The following CABP7 variants were observed in gnomAD, a reference collection of about 807,000 sequenced individuals.
CABP7 encodes the protein calcium binding protein 7, also known as calcium-binding protein 7.
A neutral mutation model predicts 23.1 loss-of-function variants in CABP7; 13 were observed. The observed-to-expected ratio is 0.56, with a 90% CI of 0.37 to 0.90. The LOEUF (loss-of-function observed/expected upper bound fraction) is 0.90, where lower values mean the gene tolerates loss of function less well. Among genes scored for constraint, CABP7 ranks in the 40% least tolerant of loss-of-function variants. CABP7 has a pLI of 0.01. For synonymous variants in CABP7, 123 were observed against 115.3 expected, an observed-to-expected ratio of 1.07 and a Z score of -0.43; for missense variants, 248 against 295.6, an observed-to-expected ratio of 0.84 and a Z score of 1.18.
chr22:29,723,487 G>A (rs1287784299), intron 1 of CABP7, among the ~76,000 whole-genome samples: 2 of 152,194 alleles, frequency 1.3e-5, no homozygotes, highest in African/African-American at 2.4e-5. Flanking sequence ...CAGCTGACTC[G>A]AGCACCCAAG....
At chr22:29,729,417 C>G (rs755256496) in intron 4 of CABP7, 25 bp from the exon 5 acceptor site, 1 of 1,606,206 alleles carries the variant, frequency 6.2e-7, no homozygotes, top group Admixed American at 1.7e-5. Flanking sequence ...TCTGTCTCCC[C>G]GGTGCTCCCG....
chr22:29,729,291 G>C (rs879225389), intron 4 of CABP7, 83 bp downstream of exon 4: 75 of 1,577,220 alleles, frequency 4.8e-5, no homozygotes, highest in East Asian at 2.5e-4. Context: ...GTCTGCAGAG[G>C]GGGGCTGGGG....
rs1302267505 is a variant in CABP7, at chr22:29,731,555, C to T, written c.*1986C>T. On this transcript the variant is annotated 3_prime_UTR_variant, in exon 5 of 5. Coordinates refer to ENST00000216144, the MANE Select transcript of CABP7 (RefSeq NM_182527.3). Reference sequence around the variant, plus strand: ...CTAGGAACTGAGCCCAAGGAAATAGCGGGGTTGCAGGCAGACATTGAGCTG... The same window carrying T: ...CTAGGAACTGAGCCCAAGGAAATAGTGGGGTTGCAGGCAGACATTGAGCTG... 1.0e-5 allele frequency: 6 copies of T among 587,002 alleles called. No homozygotes were observed. Among genetic ancestry groups the T allele is most frequent in the Non-Finnish European group, 1.7e-5 (6 of 362,904 alleles). 36.4% of individuals were successfully genotyped at this position (587,002 alleles called of 1,614,324 possible).
At chr22:29,721,306 G>A (rs2067760501) in intron 1 of CABP7, among the ~76,000 whole-genome samples, 1 of 152,208 alleles carries the variant, frequency 6.6e-6, no homozygotes, top group Non-Finnish European at 1.5e-5. Flanking sequence ...GGCAGGGGCA[G>A]GGGTCCGGGA....
At position 29,729,622 on chromosome 22, in the gene CABP7, A is replaced by G; in HGVS notation, c.*53A>G. On this transcript the variant is annotated 3_prime_UTR_variant, in exon 5 of 5. Transcript: ENST00000216144. ...ATGCGGTGCCCGTGGCCCGCCCCAC[A>G]CCACCGCCGCCTGCAGACCTCTCCC... is the stretch of plus-strand genomic sequence containing the variant. The G allele has an allele frequency of 4.4e-6, 7 of 1,593,310 alleles. No homozygotes were observed. Among genetic ancestry groups the G allele is most frequent in the Non-Finnish European group, 3.4e-6 (4 of 1,174,992 alleles).
At position 29,730,391 on chromosome 22, in the gene CABP7, T is replaced by C. The variant is rs1269064276; in HGVS notation, c.*822T>C. On this transcript the variant is annotated 3_prime_UTR_variant, in exon 5 of 5. Coordinates refer to ENST00000216144, the MANE Select transcript of CABP7 (RefSeq NM_182527.3). ...ACCACCCCAGCCTAGAGCCTAGAAC[T>C]GTAGTCCAGCTGAGGAAGGAGGCAG... The C allele has an allele frequency of 6.6e-6, 1 of 152,594 alleles. No homozygotes were observed. Among genetic ancestry groups the C allele is most frequent in the East Asian group, 1.9e-4 (1 of 5,190 alleles). The allele number at this position is 152,594 out of a possible 1,614,324, so 9.5% of individuals were successfully genotyped here. A position where few individuals can be genotyped will look rare whatever the true frequency, so the allele number is the denominator to read the frequency against.
Position 29,720,639 on chromosome 22 carries a change from T to A in CABP7, c.109+106T>A. On this transcript the variant is annotated intron_variant, in intron 1 of 4. Transcript: ENST00000216144. This position sits in a 1 kb window ranked among gnomAD's most constrained non-coding sequence, Gnocchi z 5.2. ...CGGGGGGCGGGGGGCGGTCCGCAGG[T>A]GCCGGTTGCCAGGTGGGCGCCCCAG... 1 of 594,634 alleles carries A rather than the reference T, an allele frequency of 1.7e-6. No homozygotes were observed. Among genetic ancestry groups the A allele is most frequent in the Non-Finnish European group, 2.6e-6 (1 of 380,482 alleles). The allele number at this position is 594,634 out of a possible 1,614,324, so 36.8% of individuals were successfully genotyped here. A position where few individuals can be genotyped will look rare whatever the true frequency, so the allele number is the denominator to read the frequency against.
rs747101623 is a variant in CABP7, at chr22:29,720,433, C to T, written c.9C>T (p.Phe3=). Residue 3 remains phenylalanine, a synonymous_variant, in exon 1 of 5, where the codon TTC becomes TTT. Coordinates refer to ENST00000216144, the MANE Select transcript of CABP7 (RefSeq NM_182527.3). The surrounding 1 kb of genome is among the most constrained non-coding windows in gnomAD (Gnocchi z 5.2). MP[F]HPVTAALMYR... The stretch of plus-strand genomic sequence containing the variant: ...GGCGCGGAGCCTCCAAGATGCCGTT[C>T]CACCCGGTGACGGCGGCGTTGATGT... 3 of 1,538,602 alleles carry T rather than the reference C, an allele frequency of 1.9e-6. No homozygotes were observed. Among genetic ancestry groups the T allele is most frequent in the Non-Finnish European group, 2.6e-6 (3 of 1,145,492 alleles).
In CABP7 at chr22:29,727,317, G is replaced by T. The variant is rs1005346355; in HGVS notation, c.110-345G>T. On this transcript the variant is annotated intron_variant, in intron 1 of 4. Transcript: ENST00000216144. The surrounding 1 kb of genome is among the most constrained non-coding windows in gnomAD (Gnocchi z 4.2). ...GCGGGTGGGGAAGCCGTCAGCAGCC[G>T]CGGGGGCCGGGGAGATCCAGCATCC... Among the ~76,000 whole-genome samples the T allele has an allele frequency of 8.6e-5, 13 of 151,816 alleles. No individual in the cohort carries two copies. Among genetic ancestry groups the T allele is most frequent in the African/African-American group, 2.9e-4 (12 of 41,312 alleles).
rs922648185 is a variant in CABP7, at chr22:29,727,924, C to T, written c.253+119C>T. 15 of 1,186,158 alleles carry T rather than the reference C, an allele frequency of 1.3e-5. No homozygotes were observed. The highest frequency in any genetic ancestry group is 7.7e-5 in the African/African-American group (5 of 64,634). 73.5% of individuals were successfully genotyped at this position (1,186,158 alleles called of 1,614,324 possible). On this transcript the variant is annotated intron_variant, in intron 2 of 4. Coordinates refer to ENST00000216144, the MANE Select transcript of CABP7 (RefSeq NM_182527.3). The surrounding 1 kb of genome is among the most constrained non-coding windows in gnomAD (Gnocchi z 4.2). ...ATTGGGTCTCTCGCTCCCCTGACTCCCACCCTCAAAGTCCGTGGCAGGTTG... is the reference window on the plus strand; with the variant it reads ...ATTGGGTCTCTCGCTCCCCTGACTCTCACCCTCAAAGTCCGTGGCAGGTTG...
At chr22:29,721,094 C>G (rs1167602404) in intron 1 of CABP7, among the ~76,000 whole-genome samples, 2 of 152,176 alleles carry the variant, frequency 1.3e-5, no homozygotes, top group Non-Finnish European at 2.9e-5. Flanking sequence ...CTGCGGGGAC[C>G]CCCAGCCCGG....
chr22:29,728,952 G>A, intron 3 of CABP7, 103 bp from the exon 4 acceptor site: 1 of 1,432,688 alleles, frequency 7.0e-7, no homozygotes, highest in Non-Finnish European at 9.6e-7. Context: ...GTGTTTTCCA[G>A]CCCCCCAGAA....
chr22:29,723,512 G>A (rs1002294045), intron 1 of CABP7, among the ~76,000 whole-genome samples: 2 of 152,266 alleles, frequency 1.3e-5, no homozygotes, highest in Non-Finnish European at 1.5e-5. Flanking sequence ...GGAATGGGGT[G>A]GCTGCAAGTC....
chr22:29,729,184 G>A lies in CABP7; in HGVS notation c.496G>A (p.Glu166Lys), dbSNP rs764847213. ...GGAGGAGAGCCACCTGGGCACAGCC[G>A]AGGAGTGTCCCGTGGATGTGGAGAG... ...TEEESHLGTA[E>K]ECPVDVETCS... Residue 166 changes from glutamate (E) to lysine (K), a missense_variant, in exon 4 of 5, where the codon GAG becomes AAG. Physicochemically the swap from Glu to Lys is moderately conservative, Grantham distance 56. Transcript: ENST00000216144. 84 of 1,609,462 alleles carry A rather than the reference G, an allele frequency of 5.2e-5. No homozygotes were observed. The South Asian group carries it at 5.3e-4, about 10-fold the overall frequency.
intron 3 of CABP7, 109 bp downstream of exon 3, chr22:29,728,851 T>A: frequency 9.9e-7 from 1 of 1,006,444 alleles, no homozygotes; most frequent in Non-Finnish European, 1.5e-6. Context: ...CACTTCAGGC[T>A]TGTGTCCACT....
In CABP7 at chr22:29,720,444, C is replaced by A; in HGVS notation, c.20C>A (p.Thr7Lys). Residue 7 changes from threonine to lysine, a missense_variant, in exon 1 of 5, where the codon ACG (threonine) becomes AAG (lysine). Thr to Lys is a moderately conservative substitution (Grantham distance 78). Coordinates refer to ENST00000216144, the MANE Select transcript of CABP7 (RefSeq NM_182527.3). This position sits in a 1 kb window ranked among gnomAD's most constrained non-coding sequence, Gnocchi z 5.2. ...TCCAAGATGCCGTTCCACCCGGTGA[C>A]GGCGGCGTTGATGTACCGGGGCATC... is the stretch of plus-strand genomic sequence containing the variant. Reference protein sequence around the residue: MPFHPVTAALMYRGIYT... With the variant: MPFHPVKAALMYRGIYT... 1 of 1,549,748 alleles carries A rather than the reference C, an allele frequency of 6.5e-7. No individual in the cohort carries two copies. The highest frequency in any genetic ancestry group is 8.7e-7 in the Non-Finnish European group (1 of 1,150,756).
At chr22:29,724,688 G>A (rs563592738) in intron 1 of CABP7, among the ~76,000 whole-genome samples, 2 of 152,306 alleles carry the variant, frequency 1.3e-5, no homozygotes, top group Non-Finnish European at 2.9e-5. Flanking sequence ...ACTTTGTGGT[G>A]TGTTGGATGT....
At chr22:29,723,733 C>T (rs980764095) in intron 1 of CABP7, among the ~76,000 whole-genome samples, 15 of 152,242 alleles carry the variant, frequency 9.9e-5, no homozygotes, top group African/African-American at 3.6e-4. Context: ...CGCCTCTGCA[C>T]AGCCAAAAGC....
intron 2 of CABP7, among the ~76,000 whole-genome samples, chr22:29,728,251 G>T (rs980547492): frequency 1.3e-5 from 2 of 152,190 alleles, no homozygotes; most frequent in African/African-American, 4.8e-5. Flanking sequence ...CCAGAGGCCA[G>T]GTGACAGCCT....
Sources: gnomAD v4.1 joint callset for allele counts (sites outside exome capture counted in the v4.1 genomes callset) on GRCh38, gnomAD v4.1.1 for gene constraint, Gnocchi (gnomAD v3.1) non-coding constraint, MANE v1.5 for transcripts, NCBI Gene and HGNC (gene_info 2026-07-23, HGNC 2026-07-21) for gene names.